Variants in EFEMP1 observed in about 807,000 individuals in gnomAD.
EFEMP1 encodes the protein EGF-containing fibulin-like extracellular matrix protein 1.
In EFEMP1, 18 loss-of-function variants were observed where a neutral mutation model predicts 65.7. That is an observed-to-expected ratio of 0.27 (90% CI 0.19 to 0.41). The LOEUF is 0.41. Among genes scored for constraint, EFEMP1 ranks in the 10% least tolerant of loss-of-function variants. EFEMP1 has a pLI of 1.00. For missense variants in EFEMP1, 469 were observed against 624.8 expected, an observed-to-expected ratio of 0.75 and a Z score of 2.66; for synonymous variants, 237 against 219.7, an observed-to-expected ratio of 1.08 and a Z score of -0.70.
In EFEMP1 at chr2:55,866,735, C is replaced by T. The variant is rs1487438968; in HGVS notation, c.*338G>A. On this transcript the variant is annotated 3_prime_UTR_variant, in exon 12 of 12. Transcript: ENST00000355426. ...CCTCCTTATGAGACTGTTAGTGGAG[C>T]TCTAGTAAGTTTCCTTAAGCACCAC... 7.6e-6 allele frequency: 2 copies of T among 263,444 alleles called. No homozygotes were observed. Among genetic ancestry groups the T allele is most frequent in the Non-Finnish European group, 1.5e-5 (2 of 135,874 alleles). The allele number at this position is 263,444 out of a possible 1,614,324, so 16.3% of individuals were successfully genotyped here.
chr2:55,915,779 T>C (rs1365139593), intron 5 of EFEMP1, among the ~76,000 whole-genome samples: 1 of 152,214 alleles, frequency 6.6e-6, no homozygotes, highest in Non-Finnish European at 1.5e-5. Context: ...TATAACTAAA[T>C]AACACAATTA....
chr2:55,874,018 A>G (rs1668925716), intron 9 of EFEMP1, among the ~76,000 whole-genome samples: 1 of 152,054 alleles, frequency 6.6e-6, no homozygotes. Flanking sequence ...TTTATAGTTT[A>G]CAAATTATTT....
intron 5 of EFEMP1, among the ~76,000 whole-genome samples, chr2:55,911,408 T>C (rs879627658): frequency 1.8e-4 from 28 of 152,130 alleles, no homozygotes; most frequent in African/African-American, 3.6e-4. Context: ...AGTTAAGGCA[T>C]TGGTTCTCAG....
intron 5 of EFEMP1, among the ~76,000 whole-genome samples, chr2:55,895,414 T>A (rs1669784052): frequency 6.6e-6 from 1 of 152,216 alleles, no homozygotes; most frequent in Non-Finnish European, 1.5e-5. Flanking sequence ...TCTGCCTTTG[T>A]CCGTAAGCCT....
intron 6 of EFEMP1, among the ~76,000 whole-genome samples, chr2:55,878,838 T>G (rs1669132724): frequency 4.6e-5 from 7 of 152,148 alleles, no homozygotes; most frequent in Admixed American, 4.6e-4. Flanking sequence ...GTAGAATTAT[T>G]GGGAGGGTTA....
chr2:55,909,225 A>G (rs1018003733), intron 5 of EFEMP1, among the ~76,000 whole-genome samples: 5 of 152,204 alleles, frequency 3.3e-5, no homozygotes, highest in African/African-American at 1.2e-4. Context: ...ATTAAAATCT[A>G]TTCATTTATA....
rs771908015 is a variant in EFEMP1, at chr2:55,877,244, C to G, written c.760+502G>C. Among the ~76,000 whole-genome samples, 3 of 152,086 alleles carry G rather than the reference C, an allele frequency of 2.0e-5. No individual in the cohort carries two copies. Among genetic ancestry groups the G allele is most frequent in the Non-Finnish European group, 4.4e-5 (3 of 68,006 alleles). On this transcript the variant is annotated intron_variant, in intron 7 of 11. Coordinates refer to ENST00000355426, the MANE Select transcript of EFEMP1 (RefSeq NM_001039348.3). This position sits in a 1 kb window ranked among gnomAD's most constrained non-coding sequence, Gnocchi z 4.5. ...AATTATAACATAAGCCTTTGAGACC[C>G]ATACGGAGTTTTGCAATGCTCTAAA... is the stretch of plus-strand genomic sequence containing the variant.
chr2:55,881,687 C>G lies in EFEMP1; in HGVS notation c.565G>C (p.Val189Leu). 6.2e-7 allele frequency: 1 copy of G among 1,613,924 alleles called. No homozygotes were observed. Among genetic ancestry groups the G allele is most frequent in the South Asian group, 1.1e-5 (1 of 91,082 alleles). ...AGTHNCRADQ[V>L]CINLRGSFAC... ...AAGGATCCCCGTAAATTGATGCACA[C>G]TTGGTCTGCTCTACAGTTGTGCGTC... is the stretch of plus-strand genomic sequence containing the variant. The change falls in exon 6 of 12, where the codon GTG becomes CTG. Residue 189 changes from valine (V) to leucine (L), a missense_variant. This residue lies in a region of EFEMP1 where 399 missense variants were observed against 528.2 expected (regional missense o/e 0.76). Transcript: ENST00000355426.
At position 55,894,154 on chromosome 2, in the gene EFEMP1, C is replaced by A. The variant is rs192499458; in HGVS notation, c.518-12420G>T. ...ATTAATATTTATAAAGACTACCTAG[C>A]ACACATAACATTAACTAGAGCTCTA... On this transcript the variant is annotated intron_variant, in intron 5 of 11. Transcript: ENST00000355426. 5.9e-5 allele frequency among the ~76,000 whole-genome samples: 9 copies of A among 152,264 alleles called. No individual in the cohort carries two copies. The East Asian group carries it at 1.7e-3, about 29-fold the overall frequency.
intron 11 of EFEMP1, among the ~76,000 whole-genome samples, chr2:55,868,759 G>A (rs1270568199): frequency 6.6e-6 from 1 of 152,060 alleles, no homozygotes; most frequent in East Asian, 1.9e-4. Flanking sequence ...CTTGAAATCA[G>A]AAAATGTGCA....
In EFEMP1 at chr2:55,922,848, G is replaced by A; in HGVS notation, c.-8+51C>T. On this transcript the variant is annotated intron_variant, in intron 2 of 11. Transcript: ENST00000355426. The surrounding 1 kb of genome is among the most constrained non-coding windows in gnomAD (Gnocchi z 5.5). ...CCCACACCCCGGGGGATGGAGGTGGGGCTGCAAAACTCTGTTCTCTAGAAC... is the reference window on the plus strand; with the variant it reads ...CCCACACCCCGGGGGATGGAGGTGGAGCTGCAAAACTCTGTTCTCTAGAAC... The A allele has an allele frequency of 4.3e-6, 5 of 1,153,130 alleles. No individual in the cohort carries two copies. The highest frequency in any genetic ancestry group is 5.4e-6 in the Non-Finnish European group (5 of 921,512). 71.4% of individuals were successfully genotyped at this position (1,153,130 alleles called of 1,614,324 possible).
Position 55,903,676 on chromosome 2 carries a change from C to T in EFEMP1, c.517+13989G>A, listed in dbSNP as rs72809698. ...AATTGAATCCCAAATCTAAAGACTT[C>T]TTTAGCCAATTTTATAAAAACAGCA... On this transcript the variant is annotated intron_variant, in intron 5 of 11. Transcript: ENST00000355426. Among the ~76,000 whole-genome samples the T allele has an allele frequency of 3.3e-3, 505 of 152,284 alleles. 5 individuals carry two copies. Among genetic ancestry groups the T allele is most frequent in the African/African-American group, 0.01 (429 of 41,562 alleles).
rs562795126 is a variant in EFEMP1 at position 55,870,245 on chromosome 2, A to C, written c.1320+475T>G. The stretch of plus-strand genomic sequence containing the variant: ...TTGTGAATGTAACAATGATGAATTC[A>C]TGATGTCTGAAAAACTCTTTAGGAG... On this transcript the variant is annotated intron_variant, in intron 11 of 11. Transcript: ENST00000355426. The surrounding 1 kb of genome is among the most constrained non-coding windows in gnomAD (Gnocchi z 5.8). Among the ~76,000 whole-genome samples the C allele has an allele frequency of 3.4e-4, 51 of 152,070 alleles. 2 individuals are homozygous for C. In the South Asian group the frequency reaches 0.01, roughly 30 times the overall value.
chr2:55,922,268 T>C lies in EFEMP1; in HGVS notation c.81+92A>G. On this transcript the variant is annotated intron_variant, in intron 3 of 11. Coordinates refer to ENST00000355426, the MANE Select transcript of EFEMP1 (RefSeq NM_001039348.3). This position sits in a 1 kb window ranked among gnomAD's most constrained non-coding sequence, Gnocchi z 5.5. ...TTAATTTATCACCCTCAGCAGAGTATAGCCCAAATACACTGGCAGGGGTGT... is the reference window on the plus strand; with the variant it reads ...TTAATTTATCACCCTCAGCAGAGTACAGCCCAAATACACTGGCAGGGGTGT... 8.7e-7 allele frequency: 1 copy of C among 1,149,240 alleles called. No individual in the cohort carries two copies. The highest frequency in any genetic ancestry group is 1.5e-5 in the African/African-American group (1 of 66,002). 71.2% of individuals were successfully genotyped at this position (1,149,240 alleles called of 1,614,324 possible). A position where few individuals can be genotyped will look rare whatever the true frequency, so the allele number is the denominator to read the frequency against.
Position 55,883,673 on chromosome 2 carries a change from C to T in EFEMP1, c.518-1939G>A, listed in dbSNP as rs1669326360. On this transcript the variant is annotated intron_variant, in intron 5 of 11. Transcript: ENST00000355426. The surrounding 1 kb of genome is among the most constrained non-coding windows in gnomAD (Gnocchi z 4.5). ...GACATCTATCTGCAAACTGCCTCCA[C>T]CCCGCTGCATTCCTACAACTGATGC... Among the ~76,000 whole-genome samples, 1 of 152,148 alleles carries T rather than the reference C, an allele frequency of 6.6e-6. No homozygotes were observed. The highest frequency in any genetic ancestry group is 2.4e-5 in the African/African-American group (1 of 41,424).
chr2:55,879,758 C>T (rs940848343), intron 6 of EFEMP1, among the ~76,000 whole-genome samples: 1 of 152,082 alleles, frequency 6.6e-6, no homozygotes, highest in African/African-American at 2.4e-5. Context: ...CTATTTGGAC[C>T]AGTCTGCAAT....
chr2:55,910,198 TCA>T (rs1670430187), intron 5 of EFEMP1, among the ~76,000 whole-genome samples: 2 of 152,344 alleles, frequency 1.3e-5, no homozygotes, highest in Admixed American at 1.3e-4. Context: ...TGTCATTTAT[TCA>T]CTTCATTTTT....
Position 55,922,337 on chromosome 2 carries a change from T to C in EFEMP1, c.81+23A>G, listed in dbSNP as rs776208809. On this transcript the variant is annotated intron_variant, in intron 3 of 11. Coordinates refer to ENST00000355426, the MANE Select transcript of EFEMP1 (RefSeq NM_001039348.3). This position sits in a 1 kb window ranked among gnomAD's most constrained non-coding sequence, Gnocchi z 5.5. ...ACAGAATCCCGCTGAACCGTACTTA[T>C]TTCAAATTCCATCACCCCTTACCGT... 6.8e-6 allele frequency: 11 copies of C among 1,610,938 alleles called. No individual in the cohort carries two copies. The Admixed American group carries it at 1.2e-4, about 17-fold the overall frequency.
At position 55,904,984 on chromosome 2, in the gene EFEMP1, TC is replaced by T. The variant is rs1449689442; in HGVS notation, c.517+12680del. 2.9e-4 allele frequency among the ~76,000 whole-genome samples: 8 copies of T among 27,846 alleles called. 3 individuals carry two copies. Among genetic ancestry groups the T allele is most frequent in the African/African-American group, 8.0e-4 (2 of 2,494 alleles). 18.3% of individuals were successfully genotyped at this position (27,846 alleles called of 152,430 possible). ...ATAGTGGCTTTTTTTTTTTTCTTTT[TC>T]TTTTTTTTTTTTTTTTGCTGAGCAA... is the stretch of plus-strand genomic sequence containing the variant. On this transcript the variant is annotated intron_variant, in intron 5 of 11. Coordinates refer to ENST00000355426, the MANE Select transcript of EFEMP1 (RefSeq NM_001039348.3).
Sources: allele counts gnomAD v4.1 joint callset (sites outside exome capture counted in the v4.1 genomes callset), GRCh38; gene constraint gnomAD v4.1.1; regional missense constraint gnomAD v4.1.1; non-coding constraint Gnocchi (gnomAD v3.1); transcripts MANE v1.5; gene names NCBI Gene and HGNC (gene_info 2026-07-23, HGNC 2026-07-21).